The following KCNK2 variants were observed in gnomAD, a reference collection of about 807,000 sequenced individuals.
The protein encoded by KCNK2 is potassium channel subfamily K member 2.
Under a neutral mutation model 40.5 loss-of-function variants are expected in KCNK2, and 21 were observed. The ratio of observed to expected loss-of-function variants is 0.52; its 90% CI spans 0.37 to 0.75. KCNK2 has a LOEUF of 0.75. Among genes scored for constraint, KCNK2 ranks in the 30% least tolerant of loss-of-function variants. The pLI is 0.00. For synonymous variants in KCNK2, 191 were observed against 202.2 expected (o/e 0.94, Z 0.47); for missense variants, 399 against 531.6 (o/e 0.75, Z 2.45).
chr1:215,012,294 G>A (rs929819166), intron 1 of KCNK2, among the ~76,000 whole-genome samples: 10 of 151,894 alleles, frequency 6.6e-5, no homozygotes, highest in African/African-American at 1.7e-4. Flanking sequence ...TAGTTACTTC[G>A]CATTTTTGCC....
chr1:215,231,602 T>G (rs111642194), intron 6 of KCNK2, among the ~76,000 whole-genome samples: 1 of 152,298 alleles, frequency 6.6e-6, no homozygotes, highest in South Asian at 2.1e-4. Context: ...GAATATGTGG[T>G]GGAGCCAGAA....
intron 1 of KCNK2, among the ~76,000 whole-genome samples, chr1:215,044,077 AAAG>A (rs1448770427): frequency 1.3e-5 from 2 of 152,188 alleles, no homozygotes; most frequent in African/African-American, 4.8e-5. Context: ...TTGCTGAGTC[AAAG>A]AAGGACACAA....
At chr1:215,222,116 C>T (rs1040160707) in intron 6 of KCNK2, among the ~76,000 whole-genome samples, 6 of 152,144 alleles carry the variant, frequency 3.9e-5, no homozygotes, top group Admixed American at 3.9e-4. Context: ...GTGTAAACAG[C>T]ACCAAGCCAT....
intron 6 of KCNK2, among the ~76,000 whole-genome samples, chr1:215,199,821 G>T (rs1294419968): frequency 6.6e-6 from 1 of 152,206 alleles, no homozygotes; most frequent in Non-Finnish European, 1.5e-5. Context: ...ATCTGTGCTT[G>T]CTTAGGAGGA....
chr1:215,059,102 T>C (rs1484692903), intron 1 of KCNK2, among the ~76,000 whole-genome samples: 2 of 148,140 alleles, frequency 1.4e-5, no homozygotes, highest in African/African-American at 2.5e-5. Flanking sequence ...TGTATATATA[T>C]ACACACACAT....
intron 5 of KCNK2, among the ~76,000 whole-genome samples, chr1:215,193,883 A>G (rs1263404855): frequency 6.6e-6 from 1 of 152,162 alleles, no homozygotes; most frequent in Non-Finnish European, 1.5e-5. Context: ...TGACTATACT[A>G]TATATTTTCC....
chr1:215,148,566 A>G (rs959403420), intron 3 of KCNK2, among the ~76,000 whole-genome samples: 2 of 152,174 alleles, frequency 1.3e-5, no homozygotes, highest in African/African-American at 4.8e-5. Context: ...TCAATTCAGC[A>G]TATTTTCTTG....
At chr1:215,216,487 CATA>C (rs1356191686) in intron 6 of KCNK2, among the ~76,000 whole-genome samples, 15 of 147,616 alleles carry the variant, frequency 1.0e-4, no homozygotes, top group Admixed American at 2.0e-4. Context: ...TATTTTTATA[CATA>C]ATACTATTAT....
At chr1:215,162,874 G>T (rs796488757) in intron 3 of KCNK2, among the ~76,000 whole-genome samples, 41 of 147,558 alleles carry the variant, frequency 2.8e-4, no homozygotes, top group South Asian at 2.4e-3. Flanking sequence ...TGCCAGGTTT[G>T]TTTTTTTTTT....
intron 6 of KCNK2, among the ~76,000 whole-genome samples, chr1:215,211,162 G>A (rs1665727757): frequency 6.6e-6 from 1 of 152,036 alleles, no homozygotes; most frequent in Non-Finnish European, 1.5e-5. Flanking sequence ...CAGCATAAAA[G>A]GTTTTAGATG....
At chr1:215,135,892 G>A (rs1481339239) in intron 3 of KCNK2, among the ~76,000 whole-genome samples, 1 of 151,954 alleles carries the variant, frequency 6.6e-6, no homozygotes, top group East Asian at 1.9e-4. Context: ...GTGCCAGCAT[G>A]CCCAGCTAAT....
intron 5 of KCNK2, among the ~76,000 whole-genome samples, chr1:215,187,764 T>G (rs1023569670): frequency 2.0e-5 from 3 of 150,588 alleles, no homozygotes; most frequent in Admixed American, 6.6e-5. Flanking sequence ...TTTTCAGAAT[T>G]ACAGGAATTC....
At chr1:215,228,067 C>G (rs1323737662) in intron 6 of KCNK2, among the ~76,000 whole-genome samples, 1 of 151,976 alleles carries the variant, frequency 6.6e-6, no homozygotes, top group African/African-American at 2.4e-5. Flanking sequence ...TATACAGATG[C>G]GGAATTCAGT....
At chr1:215,104,558 G>A (rs1052687367) in intron 2 of KCNK2, among the ~76,000 whole-genome samples, 3 of 151,986 alleles carry the variant, frequency 2.0e-5, no homozygotes, top group African/African-American at 7.2e-5. Flanking sequence ...TTAGTGAAAC[G>A]TCTCAGAATT....
chr1:215,178,625 CT>C, intron 5 of KCNK2, among the ~76,000 whole-genome samples: 1 of 151,980 alleles, frequency 6.6e-6, no homozygotes, highest in African/African-American at 2.4e-5. Flanking sequence ...TAGTATGGTT[CT>C]TGTTTTTAAT....
chr1:215,086,317 A>G (rs780078044), intron 1 of KCNK2, 51 bp from the exon 2 acceptor site: 6 of 1,453,176 alleles, frequency 4.1e-6, no homozygotes, highest in South Asian at 1.2e-5. Flanking sequence ...AAGCCCGACC[A>G]ATTCCCTTCT....
At chr1:215,127,042 T>G (rs1661468524) in intron 3 of KCNK2, among the ~76,000 whole-genome samples, 1 of 152,194 alleles carries the variant, frequency 6.6e-6, no homozygotes, top group African/African-American at 2.4e-5. Flanking sequence ...ATATTGCTAA[T>G]GATAATAATT....
At chr1:215,213,526 G>A (rs924585833) in intron 6 of KCNK2, among the ~76,000 whole-genome samples, 2 of 152,134 alleles carry the variant, frequency 1.3e-5, no homozygotes, top group Non-Finnish European at 2.9e-5. Context: ...CAGGAGAATC[G>A]CTTGAACCCG....
At chr1:215,044,613 A>G (rs1211056364) in intron 1 of KCNK2, among the ~76,000 whole-genome samples, 1 of 152,172 alleles carries the variant, frequency 6.6e-6, no homozygotes, top group Non-Finnish European at 1.5e-5. Context: ...CCATTAATTG[A>G]TTTAATTAAT....
Sources: gnomAD v4.1 joint callset for allele counts (sites outside exome capture counted in the v4.1 genomes callset) on GRCh38, gnomAD v4.1.1 for gene constraint, MANE v1.5 for transcripts, NCBI Gene and HGNC (gene_info 2026-07-23, HGNC 2026-07-21) for gene names.